Variants in ZNF536 observed in about 807,000 individuals in gnomAD.
ZNF536 encodes the protein zinc finger protein 536.
Under a neutral mutation model 84.5 loss-of-function variants are expected in ZNF536, and 13 were observed. The observed-to-expected ratio is 0.15, with a 90% CI of 0.10 to 0.24. The LOEUF (loss-of-function observed/expected upper bound fraction) is 0.24, where lower values mean the gene tolerates loss of function less well. Among genes scored for constraint, ZNF536 ranks in the 10% least tolerant of loss-of-function variants. The probability of loss-of-function intolerance (pLI) is 1.00; values close to 1 mark genes in which losing one functional copy is unlikely to be tolerated. For missense variants in ZNF536, 1,536 were observed against 1,747.5 expected (o/e 0.88, Z 2.16); for synonymous variants, 811 against 742.5 (o/e 1.09, Z -1.50).
At chr19:30,666,213 C>A (rs965405717) in intron 1 of ZNF536, among the ~76,000 whole-genome samples, 1 of 152,228 alleles carries the variant, frequency 6.6e-6, no homozygotes, top group Non-Finnish European at 1.5e-5. Flanking sequence ...AGCTTAGGCC[C>A]AGCCCTCCCA....
intron 2 of ZNF536, among the ~76,000 whole-genome samples, chr19:30,319,876 AAATTAAAAC>A (rs2046799116): frequency 1.3e-5 from 2 of 152,234 alleles, no homozygotes; most frequent in Non-Finnish European, 2.9e-5. Flanking sequence ...AATTTCTCAT[AAATTAAAAC>A]AATTAAAATA....
intron 1 of ZNF536, among the ~76,000 whole-genome samples, chr19:30,580,764 C>A (rs923311866): frequency 3.3e-5 from 5 of 152,164 alleles, no homozygotes; most frequent in East Asian, 3.9e-4. Context: ...CCCCTTTGGG[C>A]CCGTTTCTCA....
intron 4 of ZNF536, among the ~76,000 whole-genome samples, chr19:30,552,695 C>T (rs921213907): frequency 7.9e-5 from 12 of 152,200 alleles, no homozygotes; most frequent in African/African-American, 2.9e-4. Context: ...GCCAGTGTGC[C>T]CTGCCCATCC....
intron 1 of ZNF536, among the ~76,000 whole-genome samples, chr19:30,610,860 G>A (rs1472832089): frequency 6.6e-6 from 1 of 152,148 alleles, no homozygotes; most frequent in Non-Finnish European, 1.5e-5. Flanking sequence ...CCATGTTCAT[G>A]CATTCTTCAG....
At chr19:30,571,397 G>A (rs2146550868) in intron 1 of ZNF536, among the ~76,000 whole-genome samples, 1 of 152,326 alleles carries the variant, frequency 6.6e-6, no homozygotes, top group East Asian at 1.9e-4. Context: ...AGGCAAGTGT[G>A]TCTGACACAC....
At chr19:30,547,225 A>C (rs2045591701) in intron 3 of ZNF536, among the ~76,000 whole-genome samples, 2 of 152,156 alleles carry the variant, frequency 1.3e-5, no homozygotes, top group Non-Finnish European at 2.9e-5. Flanking sequence ...TTTTCTTTTA[A>C]GTTTTATTGA....
intron 1 of ZNF536, among the ~76,000 whole-genome samples, chr19:30,419,200 G>A (rs1239698972): frequency 3.9e-5 from 6 of 152,150 alleles, no homozygotes; most frequent in East Asian, 1.9e-4. Flanking sequence ...CCACTGAAAC[G>A]TCTTTTGAAA....
intron 2 of ZNF536, among the ~76,000 whole-genome samples, chr19:30,518,989 G>A (rs1028662598): frequency 2.0e-5 from 3 of 152,200 alleles, no homozygotes; most frequent in African/African-American, 7.2e-5. Flanking sequence ...GGTGCGTGCA[G>A]AGCATCCGTG....
chr19:30,416,078 G>T (rs1489274781), intron 1 of ZNF536, among the ~76,000 whole-genome samples: 2 of 152,062 alleles, frequency 1.3e-5, no homozygotes, highest in Non-Finnish European at 2.9e-5. Context: ...CAGGAATTTG[G>T]CTGGGACCAT....
intron 1 of ZNF536, among the ~76,000 whole-genome samples, chr19:30,619,679 T>G (rs1464925024): frequency 2.0e-5 from 3 of 152,230 alleles, no homozygotes; most frequent in Admixed American, 6.5e-5. Context: ...CCCTGTAGTA[T>G]TTTTCACACA....
At chr19:30,519,220 T>A (rs575050035) in intron 2 of ZNF536, among the ~76,000 whole-genome samples, 3 of 152,288 alleles carry the variant, frequency 2.0e-5, no homozygotes, top group Admixed American at 2.0e-4. Flanking sequence ...CCAGCCCAGC[T>A]CTGGGGTGGG....
At chr19:30,668,608 G>A (rs1168548540) in intron 1 of ZNF536, 3 of 152,332 alleles carry the variant, frequency 2.0e-5, no homozygotes, top group African/African-American at 4.8e-5. Context: ...TCTGTGGTGA[G>A]GGGAAGTCGG....
chr19:30,498,035 C>T lies in ZNF536; in HGVS notation c.2171-36812C>T, dbSNP rs770410888. ...AAATTATTAAGACAGTGTGGTGATT[C>T]CTCAAAGATCTAGAACCAGAAATAC... On this transcript the variant is annotated intron_variant, in intron 2 of 4. Coordinates refer to ENST00000355537, the MANE Select transcript of ZNF536 (RefSeq NM_014717.3). 5.3e-5 allele frequency among the ~76,000 whole-genome samples: 8 copies of T among 152,270 alleles called. No individual in the cohort carries two copies. The East Asian group carries it at 1.4e-3, about 26-fold the overall frequency.
intron 1 of ZNF536, among the ~76,000 whole-genome samples, chr19:30,411,642 T>C (rs2050499459): frequency 6.6e-6 from 1 of 152,172 alleles, no homozygotes; most frequent in African/African-American, 2.4e-5. Flanking sequence ...GGCTTCTCTC[T>C]ACCTGGTTCA....
intron 2 of ZNF536, among the ~76,000 whole-genome samples, chr19:30,525,207 C>G (rs751482272): frequency 2.0e-5 from 3 of 152,130 alleles, no homozygotes; most frequent in Non-Finnish European, 4.4e-5. Flanking sequence ...ACCCTGAGGC[C>G]CCTTCCTCCA....
chr19:30,461,495 A>T (rs2053133163), intron 2 of ZNF536, among the ~76,000 whole-genome samples: 1 of 152,098 alleles, frequency 6.6e-6, no homozygotes, highest in Non-Finnish European at 1.5e-5. Context: ...TCCCTTGGTG[A>T]TGTCTGATGG....
At chr19:30,306,972 A>G (rs895672921) in intron 2 of ZNF536, among the ~76,000 whole-genome samples, 1 of 152,148 alleles carries the variant, frequency 6.6e-6, no homozygotes, top group Non-Finnish European at 1.5e-5. Flanking sequence ...AGTTGAGGGA[A>G]CCGACAGAAA....
rs75755169 is a variant in ZNF536, at chr19:30,263,712, G to T, written c.-189-20360G>T. Among the ~76,000 whole-genome samples, 364 of 152,248 alleles carry T rather than the reference G, an allele frequency of 2.4e-3. 1 individual carries two copies. Among genetic ancestry groups the T allele is most frequent in the Non-Finnish European group, 3.8e-3 (260 of 68,014 alleles). ...TGCAAGAAGAAGTTAAGTTGTGTGT[G>T]TGCACGCGTGTGTGTATTTCATACA... On this transcript the variant is annotated intron_variant, in intron 1 of 5. Coordinates refer to the ZNF536 transcript ENST00000585628.
intron 2 of ZNF536, among the ~76,000 whole-genome samples, chr19:30,468,448 G>T (rs1017826733): frequency 2.0e-4 from 30 of 152,006 alleles, no homozygotes; most frequent in Admixed American, 6.6e-5. Context: ...TGTGTGCCAC[G>T]CCAGGCACAG....
Sources: gnomAD v4.1 joint callset for allele counts (sites outside exome capture counted in the v4.1 genomes callset) on GRCh38, gnomAD v4.1.1 for gene constraint, MANE v1.5 for transcripts, NCBI Gene and HGNC (gene_info 2026-07-23, HGNC 2026-07-21) for gene names.